The following SEMA6D variants were observed in gnomAD, a reference collection of about 807,000 sequenced individuals.
The protein encoded by SEMA6D is semaphorin-6D.
SEMA6D carries 35 observed loss-of-function variants against 106.6 expected under a neutral mutation model. That is an observed-to-expected ratio of 0.33 (90% CI 0.25 to 0.44). The LOEUF (loss-of-function observed/expected upper bound fraction) is 0.44. SEMA6D is among the 20% of genes least tolerant of loss of function. SEMA6D has a pLI of 1.00. For synonymous variants in SEMA6D, 499 were observed against 487.7 expected (o/e 1.02, Z -0.31); for missense variants, 1,185 against 1,345.9 (o/e 0.88, Z 1.87).
At chr15:47,280,135 T>C (rs1367176840) in intron 1 of SEMA6D, among the ~76,000 whole-genome samples, 13 of 152,220 alleles carry the variant, frequency 8.5e-5, no homozygotes, top group Middle Eastern at 3.4e-3. Flanking sequence ...TGGTAGAATT[T>C]GGCTGTAAAT....
At position 47,771,446 on chromosome 15, in the gene SEMA6D, A is replaced by G. The variant is rs763118238; in HGVS notation, c.2883A>G (p.Gln961=). The change falls in exon 19 of 19, where the codon CAA becomes CAG. Residue 961 remains glutamine (Q), a synonymous_variant. Transcript: ENST00000536845. ...TCCCAATGACTTCTCTGGAAAGACA[A>G]AGAGGTTATCACAAAAATTCCTCCC... ...PGVPMTSLER[Q]RGYHKNSSQR... 6 of 1,614,086 alleles carry G rather than the reference A, an allele frequency of 3.7e-6. No homozygotes were observed. In the East Asian group the frequency reaches 1.3e-4, roughly 36 times the overall value.
In SEMA6D at chr15:47,566,717, A is replaced by G. The variant is rs1290968225; in HGVS notation, c.-86-34148A>G. On this transcript the variant is annotated intron_variant, in intron 3 of 19. Coordinates refer to the SEMA6D transcript ENST00000558014. ...TAACCGTCCCCAACCGGAGTTCCAC[A>G]TATGGAAAGGGCAATGAATACCTCG... Among the ~76,000 whole-genome samples the G allele has an allele frequency of 3.3e-5, 5 of 152,232 alleles. 1 individual carries two copies. Among genetic ancestry groups the G allele is most frequent in the Admixed American group, 1.3e-4 (2 of 15,288 alleles).
intron 1 of SEMA6D, among the ~76,000 whole-genome samples, chr15:47,343,355 A>T (rs2037904664): frequency 6.6e-6 from 1 of 151,724 alleles, no homozygotes; most frequent in African/African-American, 2.4e-5. Context: ...TGCTGCACCC[A>T]TTAACTCGTC....
intron 1 of SEMA6D, among the ~76,000 whole-genome samples, chr15:47,361,031 A>G (rs2038785040): frequency 1.3e-5 from 2 of 152,228 alleles, no homozygotes; most frequent in Non-Finnish European, 2.9e-5. Flanking sequence ...GTGGAAGCAT[A>G]TGTGCATAGC....
intron 1 of SEMA6D, among the ~76,000 whole-genome samples, chr15:47,722,347 A>G (rs1288425133): frequency 6.6e-6 from 1 of 152,216 alleles, no homozygotes; most frequent in Non-Finnish European, 1.5e-5. Flanking sequence ...GATAGAAAAA[A>G]GACCTTTTTT....
intron 1 of SEMA6D, among the ~76,000 whole-genome samples, chr15:47,213,388 G>A (rs1018406935): frequency 2.0e-5 from 3 of 152,202 alleles, no homozygotes; most frequent in African/African-American, 4.8e-5. Context: ...GATGACCAGC[G>A]CTACCACATT....
chr15:47,237,173 A>G (rs932117155), intron 1 of SEMA6D, among the ~76,000 whole-genome samples: 8 of 152,218 alleles, frequency 5.3e-5, no homozygotes, highest in African/African-American at 1.9e-4. Flanking sequence ...ATCCTGGTCA[A>G]GTTCTCACTG....
chr15:47,322,961 A>G (rs1367902833), intron 1 of SEMA6D, among the ~76,000 whole-genome samples: 2 of 152,198 alleles, frequency 1.3e-5, no homozygotes, highest in Non-Finnish European at 2.9e-5. Flanking sequence ...TGCTCATTTT[A>G]GTCTCTTAGT....
At chr15:47,280,105 C>A (rs1163904640) in intron 1 of SEMA6D, among the ~76,000 whole-genome samples, 1 of 151,934 alleles carries the variant, frequency 6.6e-6, no homozygotes, top group East Asian at 1.9e-4. Flanking sequence ...AGGAATGGTA[C>A]CAGTTCCTCC....
At chr15:47,408,869 C>T (rs753606385) in intron 1 of SEMA6D, among the ~76,000 whole-genome samples, 1 of 152,194 alleles carries the variant, frequency 6.6e-6, no homozygotes, top group Non-Finnish European at 1.5e-5. Context: ...TCCCTCCATT[C>T]CAAAGCACAC....
chr15:47,221,030 C>T (rs1447120936), intron 1 of SEMA6D, among the ~76,000 whole-genome samples: 1 of 152,142 alleles, frequency 6.6e-6, no homozygotes, highest in South Asian at 2.1e-4. Context: ...TTCTGCTGTT[C>T]CTTCCCACAC....
chr15:47,736,486 G>T (rs960832666), intron 1 of SEMA6D, among the ~76,000 whole-genome samples: 4 of 152,150 alleles, frequency 2.6e-5, no homozygotes, highest in Admixed American at 6.5e-5. Context: ...GTAGAAATTT[G>T]TTTATGAAAA....
intron 3 of SEMA6D, among the ~76,000 whole-genome samples, chr15:47,506,073 G>A (rs532587912): frequency 2.6e-5 from 4 of 152,276 alleles, no homozygotes; most frequent in Admixed American, 2.6e-4. Flanking sequence ...CTAAAGGGGA[G>A]TGGGAGAGCA....
chr15:47,381,097 AG>A (rs2039626540), intron 1 of SEMA6D, among the ~76,000 whole-genome samples: 1 of 152,288 alleles, frequency 6.6e-6, no homozygotes, highest in South Asian at 2.1e-4. Flanking sequence ...GAAGGGCTGA[AG>A]GCCAGAATTC....
intron 4 of SEMA6D, among the ~76,000 whole-genome samples, chr15:47,625,659 C>A (rs911654290): frequency 6.6e-6 from 1 of 151,782 alleles, no homozygotes; most frequent in Non-Finnish European, 1.5e-5. Context: ...CGCTATACCC[C>A]AGCCTGGGTG....
chr15:47,373,498 G>T (rs1053484887), intron 1 of SEMA6D, among the ~76,000 whole-genome samples: 2 of 152,132 alleles, frequency 1.3e-5, no homozygotes, highest in African/African-American at 4.8e-5. Context: ...TTGGATGCTG[G>T]AGACCTGGAG....
intron 2 of SEMA6D, among the ~76,000 whole-genome samples, chr15:47,435,297 A>G (rs16952885): frequency 0.011 from 1,723 of 152,192 alleles, 32 homozygotes; most frequent in Admixed American, 0.038. Flanking sequence ...TGAATCATCA[A>G]TCCCTATCTT....
intron 1 of SEMA6D, among the ~76,000 whole-genome samples, chr15:47,357,121 T>G (rs1031811809): frequency 6.6e-6 from 1 of 151,874 alleles, no homozygotes. Flanking sequence ...GATCACGAGG[T>G]CAGGAGATCG....
rs1395226195 is a variant in SEMA6D at position 47,407,387 on chromosome 15, A to C, written c.-238-5006A>C. 1.3e-4 allele frequency among the ~76,000 whole-genome samples: 18 copies of C among 135,216 alleles called. 1 individual carries two copies. In the East Asian group the frequency reaches 3.5e-3, roughly 26 times the overall value. 88.7% of individuals were successfully genotyped at this position (135,216 alleles called of 152,430 possible). ...CTATCTCAAAAAAAAAAAAAAAAAA[A>C]CCAAAACAACAACAACAACAACAAA... On this transcript the variant is annotated intron_variant, in intron 1 of 19. Transcript: ENST00000558014.
Sources: allele counts gnomAD v4.1 joint callset (sites outside exome capture counted in the v4.1 genomes callset), GRCh38; gene constraint gnomAD v4.1.1; transcripts MANE v1.5; gene names NCBI Gene and HGNC (gene_info 2026-07-23, HGNC 2026-07-21).